Variants in FAM13C observed in about 807,000 individuals in gnomAD.
FAM13C encodes protein FAM13C.
A neutral mutation model predicts 73.2 loss-of-function variants in FAM13C; 37 were observed. The observed-to-expected ratio is 0.51, with a 90% CI of 0.39 to 0.67. The LOEUF (loss-of-function observed/expected upper bound fraction) is 0.67. FAM13C is among the 30% of genes least tolerant of loss of function. The pLI is 0.00. For missense variants in FAM13C, 589 were observed against 715.6 expected (o/e 0.82, Z 2.02); for synonymous variants, 246 against 260.9 (o/e 0.94, Z 0.55).
chr10:59,333,289 C>T (rs1852259368), intron 3 of FAM13C, among the ~76,000 whole-genome samples: 1 of 152,094 alleles, frequency 6.6e-6, no homozygotes, highest in South Asian at 2.1e-4. Context: ...GAGTTTGAGA[C>T]CAGCCTGGCC....
At chr10:59,285,634 A>T (rs1845464621) in intron 5 of FAM13C, among the ~76,000 whole-genome samples, 1 of 152,244 alleles carries the variant, frequency 6.6e-6, no homozygotes, top group Non-Finnish European at 1.5e-5. Context: ...TTGAACAGAT[A>T]TTCATACACT....
At chr10:59,350,415 C>T (rs184802426) in intron 3 of FAM13C, among the ~76,000 whole-genome samples, 85 of 152,270 alleles carry the variant, frequency 5.6e-4, no homozygotes, top group Middle Eastern at 6.8e-3. Context: ...CTATGTCATA[C>T]GTGACTCCTG....
chr10:59,346,088 G>T (rs1011045845), intron 3 of FAM13C, among the ~76,000 whole-genome samples: 1 of 152,118 alleles, frequency 6.6e-6, no homozygotes, highest in East Asian at 1.9e-4. Context: ...AAGCTGTACT[G>T]GTTTTCTTGC....
chr10:59,332,784 C>G (rs973306894), intron 3 of FAM13C, among the ~76,000 whole-genome samples: 3 of 152,122 alleles, frequency 2.0e-5, no homozygotes, highest in Admixed American at 1.3e-4. Context: ...AAGCTTAAGC[C>G]TTTCTGCTAG....
At chr10:59,342,690 T>C (rs1383956718) in intron 3 of FAM13C, among the ~76,000 whole-genome samples, 2 of 152,206 alleles carry the variant, frequency 1.3e-5, no homozygotes, top group East Asian at 1.9e-4. Context: ...TTGAAAACTA[T>C]GGGGTCCGAA....
intron 5 of FAM13C, among the ~76,000 whole-genome samples, chr10:59,300,022 A>G (rs1479142174): frequency 1.3e-5 from 2 of 152,222 alleles, no homozygotes; most frequent in East Asian, 1.9e-4. Flanking sequence ...TACTCATGCC[A>G]AGTGGAAACA....
intron 10 of FAM13C, 57 bp downstream of exon 10, chr10:59,262,377 T>A (rs1842590548): frequency 7.0e-7 from 1 of 1,430,514 alleles, no homozygotes. Context: ...TTGGATGATC[T>A]CATTAGCACT....
At chr10:59,316,796 T>A (rs1189855656) in intron 4 of FAM13C, among the ~76,000 whole-genome samples, 1 of 152,240 alleles carries the variant, frequency 6.6e-6, no homozygotes. Flanking sequence ...ATGTGGTACA[T>A]GACTGTATTT....
intron 1 of FAM13C, 59 bp from the exon 2 acceptor site, chr10:59,356,002 C>T (rs949119235): frequency 1.3e-6 from 2 of 1,481,694 alleles, no homozygotes; most frequent in East Asian, 2.3e-5. Context: ...GCAGTAGTAG[C>T]AATAATCTAG....
intron 3 of FAM13C, among the ~76,000 whole-genome samples, chr10:59,350,026 G>T (rs200427266): frequency 6.6e-6 from 1 of 152,256 alleles, no homozygotes; most frequent in African/African-American, 2.4e-5. Context: ...ACGGCAATAG[G>T]ATAATTTGTA....
At chr10:59,316,122 A>G (rs1178279216) in intron 4 of FAM13C, among the ~76,000 whole-genome samples, 2 of 152,128 alleles carry the variant, frequency 1.3e-5, no homozygotes, top group South Asian at 4.2e-4. Flanking sequence ...TTTAGTACAG[A>G]TGGGGTTTCA....
At chr10:59,355,641 T>C (rs1424964218) in intron 2 of FAM13C, among the ~76,000 whole-genome samples, 1 of 152,206 alleles carries the variant, frequency 6.6e-6, no homozygotes, top group Non-Finnish European at 1.5e-5. Flanking sequence ...GGCTAATCAA[T>C]ACTCAGTTCA....
At chr10:59,299,731 A>T (rs1847338552) in intron 5 of FAM13C, among the ~76,000 whole-genome samples, 1 of 152,110 alleles carries the variant, frequency 6.6e-6, no homozygotes, top group Non-Finnish European at 1.5e-5. Flanking sequence ...AAGGTGGATG[A>T]GACACTGACA....
chr10:59,294,640 G>A (rs1288820360), intron 5 of FAM13C, among the ~76,000 whole-genome samples: 1 of 152,238 alleles, frequency 6.6e-6, no homozygotes, highest in African/African-American at 2.4e-5. Flanking sequence ...GCAGAATAAA[G>A]CAGGCCTGGA....
At chr10:59,310,446 A>G (rs1848782883) in intron 4 of FAM13C, among the ~76,000 whole-genome samples, 1 of 152,192 alleles carries the variant, frequency 6.6e-6, no homozygotes. Flanking sequence ...CCTTAATACC[A>G]GTAAATAGAA....
chr10:59,308,022 G>A (rs1848457488), intron 4 of FAM13C, among the ~76,000 whole-genome samples: 1 of 152,042 alleles, frequency 6.6e-6, no homozygotes, highest in Non-Finnish European at 1.5e-5. Context: ...AATCTTTCCT[G>A]GAAGCTGGCC....
chr10:59,295,886 G>C (rs986106680), intron 5 of FAM13C, among the ~76,000 whole-genome samples: 2 of 152,152 alleles, frequency 1.3e-5, no homozygotes, highest in African/African-American at 4.8e-5. Context: ...AGCCTATCCT[G>C]ATCCTAAGTT....
chr10:59,271,966 G>A (rs1843766167), intron 6 of FAM13C, among the ~76,000 whole-genome samples: 3 of 152,136 alleles, frequency 2.0e-5, no homozygotes, highest in Admixed American at 6.5e-5. Flanking sequence ...ACTGGTTGCT[G>A]TTTTATAATG....
At chr10:59,251,823 A>C (rs930449025) in intron 12 of FAM13C, 147 bp from the exon 13 acceptor site, 4 of 601,636 alleles carry the variant, frequency 6.6e-6, no homozygotes, top group Non-Finnish European at 1.1e-5. Context: ...TATGACACAC[A>C]TAGAGCCTGA....
Sources: allele counts gnomAD v4.1 joint callset (sites outside exome capture counted in the v4.1 genomes callset), GRCh38; gene constraint gnomAD v4.1.1; transcripts MANE v1.5; gene names NCBI Gene and HGNC (gene_info 2026-07-23, HGNC 2026-07-21).